The following CNTN2 variants were observed in gnomAD, a reference collection of about 807,000 sequenced individuals.
CNTN2 encodes the protein contactin-2.
In CNTN2, 53 loss-of-function variants were observed where a neutral mutation model predicts 117.5. The ratio of observed to expected loss-of-function variants is 0.45; its 90% CI spans 0.36 to 0.57. The LOEUF is 0.57. CNTN2 is among the 20% of genes least tolerant of loss of function. The pLI is 0.00. For missense variants in CNTN2, 1,106 were observed against 1,404.3 expected (o/e 0.79, Z 3.39); for synonymous variants, 530 against 561.7 (o/e 0.94, Z 0.80).
rs2151178614 is a variant in CNTN2 at position 205,043,231 on chromosome 1, C to A, written c.-250C>A. On this transcript the variant is annotated 5_prime_UTR_variant, in exon 1 of 23. Coordinates refer to ENST00000331830, the MANE Select transcript of CNTN2 (RefSeq NM_005076.5). ...GCGCTCACACACACGCGCCCTCACC[C>A]GCCACCGCCGCCGCGGCCGCCGCCG... is the stretch of plus-strand genomic sequence containing the variant. 6.5e-6 allele frequency: 1 copy of A among 153,050 alleles called. No individual in the cohort carries two copies. The highest frequency in any genetic ancestry group is 1.9e-4 in the South Asian group (1 of 5,252). The allele number at this position is 153,050 out of a possible 1,614,324, so 9.5% of individuals were successfully genotyped here.
In CNTN2 at chr1:205,064,483, C is replaced by T; in HGVS notation, c.1391+11C>T. 1 of 1,602,104 alleles carries T rather than the reference C, an allele frequency of 6.2e-7. No individual in the cohort carries two copies. Among genetic ancestry groups the T allele is most frequent in the Non-Finnish European group, 8.5e-7 (1 of 1,170,982 alleles). The stretch of plus-strand genomic sequence containing the variant: ...GGTCAACAGCAGCAGGTACCACCCA[C>T]ACCCCACCCTGCACAGTTCCTGCTC... On this transcript the variant is annotated intron_variant, in intron 11 of 22. Coordinates refer to ENST00000331830, the MANE Select transcript of CNTN2 (RefSeq NM_005076.5).
intron 19 of CNTN2, 31 bp from the exon 20 acceptor site, chr1:205,071,916 A>C (rs775095112): frequency 6.3e-7 from 1 of 1,588,304 alleles, no homozygotes; most frequent in Non-Finnish European, 8.6e-7. Context: ...GGGCTTGACT[A>C]CTACCCCTTG....
Position 205,065,669 on chromosome 1 carries a change from G to T in CNTN2, c.1696-120G>T. ...GAGCAGACAGGAAAACTGAGATCCAGTGGGGTCCATGGATGTCATGGAGTA... is the reference window on the plus strand; with the variant it reads ...GAGCAGACAGGAAAACTGAGATCCATTGGGGTCCATGGATGTCATGGAGTA... On this transcript the variant is annotated intron_variant, in intron 13 of 22. Coordinates refer to ENST00000331830, the MANE Select transcript of CNTN2 (RefSeq NM_005076.5). The surrounding 1 kb of genome is among the most constrained non-coding windows in gnomAD (Gnocchi z 4.1). The T allele has an allele frequency of 8.7e-7, 1 of 1,153,508 alleles. No individual in the cohort carries two copies. The highest frequency in any genetic ancestry group is 1.2e-6 in the Non-Finnish European group (1 of 818,182). The allele number at this position is 1,153,508 out of a possible 1,614,324, so 71.5% of individuals were successfully genotyped here.
In CNTN2 at chr1:205,074,678, A is replaced by T. The variant is rs986693320; in HGVS notation, c.*913A>T. On this transcript the variant is annotated 3_prime_UTR_variant, in exon 23 of 23. Coordinates refer to ENST00000331830, the MANE Select transcript of CNTN2 (RefSeq NM_005076.5). ...GCAGGAGATGGCCAATCATGCGCCC[A>T]CCTCTCCAGTGCTGCCTGCAGTCAG... 2.5e-6 allele frequency: 1 copy of T among 398,358 alleles called. No homozygotes were observed. Among genetic ancestry groups the T allele is most frequent in the East Asian group, 3.6e-5 (1 of 28,044 alleles). The allele number at this position is 398,358 out of a possible 1,614,324, so 24.7% of individuals were successfully genotyped here.
At position 205,069,566 on chromosome 1, in the gene CNTN2, G is replaced by A. The variant is rs747164379; in HGVS notation, c.2196+5G>A. 53 of 1,612,356 alleles carry A rather than the reference G, an allele frequency of 3.3e-5. No individual in the cohort carries two copies. Among genetic ancestry groups the A allele is most frequent in the Middle Eastern group, 3.3e-4 (2 of 6,080 alleles). Reference sequence around the variant, plus strand: ...GAGCTCATCGTCAACTGGACGGTAAGCTGCAAGGGTCAGATGTCCTCCTCC... The same window carrying A: ...GAGCTCATCGTCAACTGGACGGTAAACTGCAAGGGTCAGATGTCCTCCTCC... On this transcript the variant is annotated splice_donor_5th_base_variant and intron_variant, in intron 17 of 22. Transcript: ENST00000331830.
Position 205,065,672 on chromosome 1 carries a change from G to A in CNTN2, c.1696-117G>A. ...CAGACAGGAAAACTGAGATCCAGTG[G>A]GGTCCATGGATGTCATGGAGTAGGG... On this transcript the variant is annotated intron_variant, in intron 13 of 22. Transcript: ENST00000331830. The surrounding 1 kb of genome is among the most constrained non-coding windows in gnomAD (Gnocchi z 4.1). 4.6e-6 allele frequency: 5 copies of A among 1,086,392 alleles called. No individual in the cohort carries two copies. Among genetic ancestry groups the A allele is most frequent in the Non-Finnish European group, 6.5e-6 (5 of 770,824 alleles). The allele number at this position is 1,086,392 out of a possible 1,614,324, so 67.3% of individuals were successfully genotyped here.
chr1:205,066,226 C>A, intron 14 of CNTN2: 1 of 624,358 alleles, frequency 1.6e-6, no homozygotes, highest in Non-Finnish European at 2.8e-6. Flanking sequence ...CCTCTGTGAG[C>A]TCCCCCAGCC....
Position 205,058,162 on chromosome 1 carries a change from C to T in CNTN2, c.216-19C>T. The T allele has an allele frequency of 1.4e-5, 23 of 1,590,376 alleles. No individual in the cohort carries two copies. The highest frequency in any genetic ancestry group is 2.0e-5 in the Non-Finnish European group (23 of 1,168,218). ...CCAGGCAGGACTCAGAGGTCCCCTT[C>T]CTCTGTCCCCTGCTGCAGGTGGAAG... is the stretch of plus-strand genomic sequence containing the variant. On this transcript the variant is annotated intron_variant, in intron 3 of 22. Transcript: ENST00000331830. The surrounding 1 kb of genome is among the most constrained non-coding windows in gnomAD (Gnocchi z 4.3).
chr1:205,052,033 A>G (rs958356971), intron 1 of CNTN2, among the ~76,000 whole-genome samples: 2 of 152,180 alleles, frequency 1.3e-5, no homozygotes, highest in Non-Finnish European at 2.9e-5. Context: ...TCTTGCAGGC[A>G]GTTGGTGAAA....
At chr1:205,055,233 C>T (rs1219749606) in intron 2 of CNTN2, among the ~76,000 whole-genome samples, 1 of 152,110 alleles carries the variant, frequency 6.6e-6, no homozygotes, top group Admixed American at 6.5e-5. Flanking sequence ...AGGCTGGTCT[C>T]GAACTCTCGA....
intron 1 of CNTN2, among the ~76,000 whole-genome samples, chr1:205,049,372 C>CACATACAT (rs1314407213): frequency 6.6e-6 from 1 of 151,618 alleles, no homozygotes; most frequent in Non-Finnish European, 1.5e-5. Flanking sequence ...GACACATAGA[C>CACATACAT]ACATACATAC....
At position 205,053,088 on chromosome 1, in the gene CNTN2, C is replaced by T; in HGVS notation, c.-86-12C>T. ...CTCGGCTCAGAGCCCTCCTTTCTGT[C>T]TGCCTCCCCAGGTCCTTTCTCAGCC... On this transcript the variant is annotated splice_polypyrimidine_tract_variant and intron_variant, in intron 1 of 22. Coordinates refer to ENST00000331830, the MANE Select transcript of CNTN2 (RefSeq NM_005076.5). 2.3e-6 allele frequency: 2 copies of T among 860,176 alleles called. No individual in the cohort carries two copies. Among genetic ancestry groups the T allele is most frequent in the East Asian group, 2.8e-5 (1 of 36,056 alleles). 53.3% of individuals were successfully genotyped at this position (860,176 alleles called of 1,614,324 possible).
Position 205,059,022 on chromosome 1 carries a change from C to T in CNTN2, c.488-62C>T. 6.8e-7 allele frequency: 1 copy of T among 1,467,066 alleles called. No homozygotes were observed. The highest frequency in any genetic ancestry group is 1.7e-5 in the Admixed American group (1 of 57,654). The allele number at this position is 1,467,066 out of a possible 1,614,324, so 90.9% of individuals were successfully genotyped here. A position where few individuals can be genotyped will look rare whatever the true frequency, so the allele number is the denominator to read the frequency against. On this transcript the variant is annotated intron_variant, in intron 5 of 22. Transcript: ENST00000331830. This position sits in a 1 kb window ranked among gnomAD's most constrained non-coding sequence, Gnocchi z 5.6. ...AGAACCGCACCAGCATGCTGGGGTC[C>T]CACCCAGAGTGGCCCTGTTAGCCCA...
Position 205,066,560 on chromosome 1 carries a change from C to A in CNTN2, c.1936C>A (p.Arg646Ser). ...CATCGCTAAGTACACCCTGCAAGCT[C>A]GCACTCCACCTGCAGGGAAGTGGAA... ...SPIAKYTLQA[R>S]TPPAGKWKQV... The change falls in exon 15 of 23, where the codon CGC becomes AGC. Residue 646 changes from arginine to serine, a missense_variant. Coordinates refer to ENST00000331830, the MANE Select transcript of CNTN2 (RefSeq NM_005076.5). 1 of 1,614,044 alleles carries A rather than the reference C, an allele frequency of 6.2e-7. No homozygotes were observed. The highest frequency in any genetic ancestry group is 1.1e-5 in the South Asian group (1 of 91,082).
Position 205,061,872 on chromosome 1 carries a change from T to C in CNTN2, c.981T>C (p.Pro327=), listed in dbSNP as rs1410744233. ...VQGRIIVQAQ[P]EWLKVISDTE... is the part of the protein sequence containing the mutation. ...TTTTCCGGGCTCCCACAGCTCAGCC[T>C]GAGTGGCTAAAAGTGATCTCGGACA... Residue 327 remains proline (P), a synonymous_variant, in exon 9 of 23, where the codon CCT becomes CCC. Coordinates refer to ENST00000331830, the MANE Select transcript of CNTN2 (RefSeq NM_005076.5). The surrounding 1 kb of genome is among the most constrained non-coding windows in gnomAD (Gnocchi z 4.8). 1 of 1,541,298 alleles carries C rather than the reference T, an allele frequency of 6.5e-7. No individual in the cohort carries two copies. Among genetic ancestry groups the C allele is most frequent in the East Asian group, 2.3e-5 (1 of 42,764 alleles).
chr1:205,072,670 C>A, intron 21 of CNTN2, 75 bp downstream of exon 21: 1 of 1,085,882 alleles, frequency 9.2e-7, no homozygotes, highest in Non-Finnish European at 1.4e-6. Flanking sequence ...TAAGCAGCAG[C>A]AATTTATAGC....
rs752163330 is a variant in CNTN2 at position 205,048,373 on chromosome 1, C to T, written c.-86-4727C>T. On this transcript the variant is annotated intron_variant, in intron 1 of 22. Transcript: ENST00000331830. The surrounding 1 kb of genome is among the most constrained non-coding windows in gnomAD (Gnocchi z 4.1). ...ATAGCCTTCTGTCCCCCAGCTGTCCCCCAGGCCCTTTGTTTCCTGGGACTG... is the reference window on the plus strand; with the variant it reads ...ATAGCCTTCTGTCCCCCAGCTGTCCTCCAGGCCCTTTGTTTCCTGGGACTG... Among the ~76,000 whole-genome samples, 45 of 152,144 alleles carry T rather than the reference C, an allele frequency of 3.0e-4. No homozygotes were observed. Among genetic ancestry groups the T allele is most frequent in the Non-Finnish European group, 4.6e-4 (31 of 68,020 alleles).
chr1:205,060,993 G>A (rs2242002), intron 7 of CNTN2: 93,904 of 457,036 alleles, frequency 0.21, 12,321 homozygotes, highest in East Asian at 0.49. Context: ...GCAGAAGCCC[G>A]GCTTCACTGG....
Position 205,059,880 on chromosome 1 carries a change from C to T in CNTN2, c.797+198C>T. 3.4e-6 allele frequency: 2 copies of T among 580,172 alleles called. No individual in the cohort carries two copies. Among genetic ancestry groups the T allele is most frequent in the Non-Finnish European group, 6.2e-6 (2 of 323,416 alleles). The allele number at this position is 580,172 out of a possible 1,614,324, so 35.9% of individuals were successfully genotyped here. A position where few individuals can be genotyped will look rare whatever the true frequency, so the allele number is the denominator to read the frequency against. ...GTGAGGCATCGCATATGCCAGGGGC[C>T]TTCCATGGCCAGGATCACTTGGTCT... On this transcript the variant is annotated intron_variant, in intron 7 of 22. Coordinates refer to ENST00000331830, the MANE Select transcript of CNTN2 (RefSeq NM_005076.5). This position sits in a 1 kb window ranked among gnomAD's most constrained non-coding sequence, Gnocchi z 5.6.
Sources: gnomAD v4.1 joint callset for allele counts (sites outside exome capture counted in the v4.1 genomes callset) on GRCh38, gnomAD v4.1.1 for gene constraint, Gnocchi (gnomAD v3.1) non-coding constraint, MANE v1.5 for transcripts, NCBI Gene and HGNC (gene_info 2026-07-23, HGNC 2026-07-21) for gene names.